The following USP24 variants were observed in gnomAD, a reference collection of about 807,000 sequenced individuals.
The protein encoded by USP24 is ubiquitin carboxyl-terminal hydrolase 24.
USP24 carries 97 observed loss-of-function variants against 361.6 expected under a neutral mutation model. That is an observed-to-expected ratio of 0.27 (90% confidence interval 0.23 to 0.32). The LOEUF is 0.32. USP24 is among the 10% of genes least tolerant of loss of function. The probability of loss-of-function intolerance (pLI) is 1.00; values close to 1 mark genes in which losing one functional copy is unlikely to be tolerated. For synonymous variants in USP24, 1,098 were observed against 1,124.6 expected (o/e 0.98, Z 0.47); for missense variants, 2,353 against 3,165.6 (o/e 0.74, Z 6.16).
intron 1 of USP24, among the ~76,000 whole-genome samples, chr1:55,189,228 AAC>A (rs1251301313): frequency 6.6e-6 from 1 of 152,244 alleles, no homozygotes; most frequent in Non-Finnish European, 1.5e-5. Flanking sequence ...CATTGTTGCT[AAC>A]AACCAAAAGG....
intron 4 of USP24, 106 bp from the exon 5 acceptor site, chr1:55,171,784 G>T: frequency 7.9e-7 from 1 of 1,267,860 alleles, no homozygotes; most frequent in South Asian, 1.5e-5. Context: ...CCTCATTAAT[G>T]GGATCTTTCA....
intron 1 of USP24, among the ~76,000 whole-genome samples, chr1:55,189,608 G>A (rs781260857): frequency 6.6e-6 from 1 of 152,158 alleles, no homozygotes; most frequent in Non-Finnish European, 1.5e-5. Flanking sequence ...TCTTTTGGAG[G>A]TGATGAAAAT....
intron 67 of USP24, 89 bp downstream of exon 67, chr1:55,071,725 T>C (rs1178609422): frequency 7.5e-7 from 1 of 1,331,036 alleles, no homozygotes; most frequent in Non-Finnish European, 1.0e-6. Flanking sequence ...AGAGGAAGCA[T>C]CTTGTTTTCC....
At chr1:55,211,845 AG>A (rs1290203397) in intron 1 of USP24, among the ~76,000 whole-genome samples, 4 of 152,406 alleles carry the variant, frequency 2.6e-5, no homozygotes, top group Admixed American at 1.3e-4. Flanking sequence ...TTTTTAAAGA[AG>A]ACAATGACAC....
chr1:55,131,997 C>T (rs1646606074), intron 31 of USP24, among the ~76,000 whole-genome samples: 1 of 152,196 alleles, frequency 6.6e-6, no homozygotes, highest in African/African-American at 2.4e-5. Flanking sequence ...GTATATCCAG[C>T]TTCCATATGT....
intron 18 of USP24, 101 bp downstream of exon 18, chr1:55,147,548 C>T (rs1647062752): frequency 2.3e-6 from 3 of 1,289,524 alleles, no homozygotes; most frequent in Non-Finnish European, 2.0e-6. Flanking sequence ...CTCATACAAC[C>T]TCTTTATAGT....
chr1:55,197,649 G>A (rs1265130508), intron 1 of USP24, among the ~76,000 whole-genome samples: 1 of 152,200 alleles, frequency 6.6e-6, no homozygotes, highest in Non-Finnish European at 1.5e-5. Context: ...TAATAAGAGT[G>A]TGTTACTCAA....
In USP24 at chr1:55,132,591, G is replaced by C. The variant is rs760638801; in HGVS notation, c.3491C>G (p.Ser1164Cys). 1.6e-5 allele frequency: 26 copies of C among 1,613,588 alleles called. No individual in the cohort carries two copies. Among genetic ancestry groups the C allele is most frequent in the Admixed American group, 6.7e-5 (4 of 59,954 alleles). Residue 1164 changes from serine to cysteine, a missense_variant, in exon 31 of 68, where the codon TCT becomes TGT. By Grantham distance (112) the Ser-to-Cys change is moderately radical (BLOSUM62 -1). Coordinates refer to ENST00000294383, the MANE Select transcript of USP24 (RefSeq NM_015306.3). ...GAAGGTAGACATTCCCGGGGCAAAA[G>C]ATCGAAACAGACTTTCTAAAATTGA... is the stretch of plus-strand genomic sequence containing the variant. ...ASSILESLFR[S>C]FAPGMSTFRV...
intron 42 of USP24, among the ~76,000 whole-genome samples, 172 bp downstream of exon 42, chr1:55,103,703 AG>A (rs1645698376): frequency 6.6e-6 from 1 of 152,256 alleles, no homozygotes; most frequent in Admixed American, 6.5e-5. Context: ...TAATATATTC[AG>A]TATATTAGAG....
intron 3 of USP24, among the ~76,000 whole-genome samples, chr1:55,173,831 T>A (rs1483463762): frequency 1.3e-5 from 2 of 152,136 alleles, no homozygotes; most frequent in African/African-American, 4.8e-5. Context: ...TAGTTAAAAA[T>A]TAAATAATAA....
intron 21 of USP24, among the ~76,000 whole-genome samples, 182 bp downstream of exon 21, chr1:55,143,945 G>C (rs369590743): frequency 1.3e-5 from 2 of 152,142 alleles, no homozygotes; most frequent in Admixed American, 6.5e-5. Flanking sequence ...GGTAGTGCAG[G>C]TAGGAGCCTC....
rs751271789 is a variant in USP24, at chr1:55,072,790, T to C, written c.7598A>G (p.Lys2533Arg). Residue 2533 changes from lysine (K) to arginine (R), a missense_variant, in exon 65 of 68, where the codon AAG becomes AGG. Physicochemically the swap from Lys to Arg is conservative, Grantham distance 26. Coordinates refer to ENST00000294383, the MANE Select transcript of USP24 (RefSeq NM_015306.3). Reference sequence around the variant, plus strand: ...AAAAATTCAATGTTCAGTTACCTTCTTCTGTAGCCACTGCACAGCCCAGCT... The same window carrying C: ...AAAAATTCAATGTTCAGTTACCTTCCTCTGTAGCCACTGCACAGCCCAGCT... ...HWSWAVQWLQ[K>R]KMSEHYWTPQ... The C allele has an allele frequency of 3.8e-6, 6 of 1,598,778 alleles. No individual in the cohort carries two copies. The highest frequency in any genetic ancestry group is 2.6e-6 in the Non-Finnish European group (3 of 1,172,492).
Position 55,069,120 on chromosome 1 carries a change from A to G in USP24, c.7801-13T>C. The G allele has an allele frequency of 6.2e-7, 1 of 1,613,926 alleles. No homozygotes were observed. Among genetic ancestry groups the G allele is most frequent in the Non-Finnish European group, 8.5e-7 (1 of 1,179,856 alleles). On this transcript the variant is annotated splice_polypyrimidine_tract_variant and intron_variant, in intron 67 of 67. Coordinates refer to ENST00000294383, the MANE Select transcript of USP24 (RefSeq NM_015306.3). ...GAGATTCTGAACCCTGCAGAAAAGA[A>G]AAGGAAGTTAAAGTTCATACGGTTA...
intron 39 of USP24, among the ~76,000 whole-genome samples, 183 bp from the exon 40 acceptor site, chr1:55,107,613 G>A (rs192100349): frequency 1.4e-4 from 21 of 152,152 alleles, no homozygotes; most frequent in Admixed American, 6.5e-5. Context: ...GGAGGCTGAG[G>A]TGGGCGGATC....
At chr1:55,134,929 A>G (rs1646692062) in intron 28 of USP24, among the ~76,000 whole-genome samples, 1 of 152,216 alleles carries the variant, frequency 6.6e-6, no homozygotes, top group South Asian at 2.1e-4. Context: ...AGAGATTCAG[A>G]TATGACTAAA....
chr1:55,071,199 C>T (rs925517594), intron 67 of USP24: 9 of 986,650 alleles, frequency 9.1e-6, no homozygotes, highest in Non-Finnish European at 1.1e-5. Context: ...GTGAAGGGAC[C>T]ACAGAGGAGA....
chr1:55,170,297 AAC>A (rs1269874806), intron 5 of USP24, among the ~76,000 whole-genome samples: 1 of 152,114 alleles, frequency 6.6e-6, no homozygotes, highest in African/African-American at 2.4e-5. Context: ...AATGAGAGGA[AAC>A]ACAAAGACTG....
intron 18 of USP24, 51 bp downstream of exon 18, chr1:55,147,598 A>C (rs996992974): frequency 1.5e-5 from 23 of 1,510,694 alleles, no homozygotes; most frequent in Admixed American, 2.5e-5. Flanking sequence ...TAAGTATAAA[A>C]AGGTCAAATT....
At position 55,206,607 on chromosome 1, in the gene USP24, A is replaced by G. The variant is rs145719935; in HGVS notation, c.324+8183T>C. The stretch of plus-strand genomic sequence containing the variant: ...CAAGATTATTCCACAATTAAAACTT[A>G]TATTTTAGAGAAATCATTTCTTGTG... On this transcript the variant is annotated intron_variant, in intron 1 of 67. Coordinates refer to ENST00000294383, the MANE Select transcript of USP24 (RefSeq NM_015306.3). 4.2e-4 allele frequency among the ~76,000 whole-genome samples: 62 copies of G among 147,646 alleles called. No individual in the cohort carries two copies. In the East Asian group the frequency reaches 8.2e-3, roughly 20 times the overall value.
Sources: allele counts gnomAD v4.1 joint callset (sites outside exome capture counted in the v4.1 genomes callset), GRCh38; gene constraint gnomAD v4.1.1; transcripts MANE v1.5; gene names NCBI Gene and HGNC (gene_info 2026-07-23, HGNC 2026-07-21).